Variants in DNAJC13 observed in about 807,000 individuals in gnomAD.
The protein encoded by DNAJC13 is dnaJ homolog subfamily C member 13.
Under a neutral mutation model 290.5 loss-of-function variants are expected in DNAJC13, and 75 were observed. That is an observed-to-expected ratio of 0.26 (90% confidence interval 0.21 to 0.31). The LOEUF is 0.31. Ranked by LOEUF, DNAJC13 falls within the 10% of genes least tolerant of loss-of-function variation. The probability of loss-of-function intolerance (pLI) is 1.00; values close to 1 mark genes in which losing one functional copy is unlikely to be tolerated. For synonymous variants in DNAJC13, 862 were observed against 892.0 expected, an observed-to-expected ratio of 0.97 and a Z score of 0.60; for missense variants, 2,260 against 2,674.5, an observed-to-expected ratio of 0.85 and a Z score of 3.42.
chr3:132,426,031 T>G (rs1035997137), intron 1 of DNAJC13, among the ~76,000 whole-genome samples: 1 of 152,208 alleles, frequency 6.6e-6, no homozygotes, highest in African/African-American at 2.4e-5. Context: ...ATTCTCATTT[T>G]AACCATAAAT....
chr3:132,452,212 C>T (rs528901810), intron 6 of DNAJC13, among the ~76,000 whole-genome samples: 4 of 152,338 alleles, frequency 2.6e-5, no homozygotes, highest in South Asian at 2.1e-4. Flanking sequence ...GTTTCATACT[C>T]TTCTTATTGC....
At chr3:132,441,760 C>T (rs1933076970) in intron 2 of DNAJC13, among the ~76,000 whole-genome samples, 1 of 152,054 alleles carries the variant, frequency 6.6e-6, no homozygotes, top group Non-Finnish European at 1.5e-5. Context: ...ATTTTACATG[C>T]CTGATTGATA....
At chr3:132,503,181 T>C in intron 40 of DNAJC13, 33 bp from the exon 41 acceptor site, 2 of 1,605,892 alleles carry the variant, frequency 1.2e-6, no homozygotes, top group African/African-American at 2.7e-5. Context: ...AGATAACAGA[T>C]CTACTTTAAC....
intron 1 of DNAJC13, among the ~76,000 whole-genome samples, chr3:132,432,182 TTTTG>T (rs1939257484): frequency 6.6e-6 from 1 of 152,088 alleles, no homozygotes; most frequent in African/African-American, 2.4e-5. Flanking sequence ...CTACAAATTT[TTTTG>T]TTTTTGTTTT....
At chr3:132,506,637 T>A (rs1309906006) in intron 42 of DNAJC13, among the ~76,000 whole-genome samples, 2 of 141,094 alleles carry the variant, frequency 1.4e-5, no homozygotes, top group East Asian at 2.3e-4. Flanking sequence ...CTGCAGCCTC[T>A]GCCTCCCAGG....
At chr3:132,453,980 T>C in intron 8 of DNAJC13, 86 bp from the exon 9 acceptor site, 1 of 1,045,504 alleles carries the variant, frequency 9.6e-7, no homozygotes. Context: ...TACTGACTTT[T>C]GTAAGCTAAG....
At chr3:132,442,243 C>T (rs1347110745) in intron 2 of DNAJC13, among the ~76,000 whole-genome samples, 5 of 151,908 alleles carry the variant, frequency 3.3e-5, no homozygotes, top group Non-Finnish European at 2.9e-5. Context: ...GTGATCCTCC[C>T]GCCTCGGCCT....
At chr3:132,520,426 G>T (rs886930687) in intron 48 of DNAJC13, among the ~76,000 whole-genome samples, 8 of 152,138 alleles carry the variant, frequency 5.3e-5, no homozygotes, top group African/African-American at 1.9e-4. Context: ...ATGTTTAATA[G>T]TATACACACC....
chr3:132,453,761 C>G, intron 8 of DNAJC13, 67 bp downstream of exon 8: 1 of 1,373,376 alleles, frequency 7.3e-7, no homozygotes, highest in Non-Finnish European at 1.0e-6. Flanking sequence ...AATTTTCTTT[C>G]TATTTTAATG....
At chr3:132,507,152 C>T in intron 42 of DNAJC13, 85 bp from the exon 43 acceptor site, 1 of 880,802 alleles carries the variant, frequency 1.1e-6, no homozygotes, top group Non-Finnish European at 1.8e-6. Flanking sequence ...ATGCATAGAT[C>T]TCTCAAGTTA....
chr3:132,486,705 A>G (rs1371581003), intron 29 of DNAJC13, among the ~76,000 whole-genome samples: 1 of 152,110 alleles, frequency 6.6e-6, no homozygotes, highest in Non-Finnish European at 1.5e-5. Context: ...TGGCTATAGT[A>G]GTTTCTGGGA....
In DNAJC13 at chr3:132,456,597, C is replaced by G; in HGVS notation, c.1179+17C>G. ...ACACAAGATGTAAGCTAAGTTTTAT[C>G]ATAATTGTTCATTGTTACTAACTTT... On this transcript the variant is annotated intron_variant, in intron 11 of 55. Coordinates refer to ENST00000260818, the MANE Select transcript of DNAJC13 (RefSeq NM_015268.4). 1 of 1,613,326 alleles carries G rather than the reference C, an allele frequency of 6.2e-7. No individual in the cohort carries two copies. The highest frequency in any genetic ancestry group is 8.5e-7 in the Non-Finnish European group (1 of 1,179,580).
chr3:132,499,954 G>C (rs908277654), intron 38 of DNAJC13, 146 bp downstream of exon 38: 1 of 690,006 alleles, frequency 1.4e-6, no homozygotes, highest in African/African-American at 1.8e-5. Context: ...GTGAGTCTGG[G>C]GTGGTGGCCT....
At position 132,418,181 on chromosome 3, in the gene DNAJC13, A is replaced by G. The variant is rs1012459978; in HGVS notation, c.-14+421A>G. Among the ~76,000 whole-genome samples the G allele has an allele frequency of 2.6e-5, 4 of 151,934 alleles. No homozygotes were observed. In the South Asian group the frequency reaches 6.2e-4, roughly 24 times the overall value. ...CTTGGGTCAGCGACCCTCCTTCCGA[A>G]CAAGTCCTGCAGACTGACTTTCTTT... On this transcript the variant is annotated intron_variant, in intron 1 of 55. Coordinates refer to ENST00000260818, the MANE Select transcript of DNAJC13 (RefSeq NM_015268.4).
intron 15 of DNAJC13, 67 bp from the exon 16 acceptor site, chr3:132,462,400 A>G: frequency 6.8e-7 from 1 of 1,466,310 alleles, no homozygotes; most frequent in East Asian, 2.3e-5. Flanking sequence ...TCTTAAGAGT[A>G]ACAGCTAAAT....
chr3:132,497,278 G>A (rs1935262843), intron 36 of DNAJC13, among the ~76,000 whole-genome samples: 1 of 152,196 alleles, frequency 6.6e-6, no homozygotes, highest in Non-Finnish European at 1.5e-5. Context: ...GTAGCAGTCA[G>A]AAAGCCAGGA....
intron 48 of DNAJC13, among the ~76,000 whole-genome samples, chr3:132,518,742 A>G (rs1262967846): frequency 1.3e-5 from 2 of 152,138 alleles, no homozygotes; most frequent in African/African-American, 2.4e-5. Flanking sequence ...CTAGTGTACA[A>G]TTCAGTGGTT....
At chr3:132,465,488 T>C (rs60475380) in intron 17 of DNAJC13, among the ~76,000 whole-genome samples, 7,889 of 152,144 alleles carry the variant, frequency 0.052, 410 homozygotes, top group African/African-American at 0.14. Flanking sequence ...GTGAGATGAG[T>C]TGAATAATTT....
Position 132,523,626 on chromosome 3 carries a change from AC to A in DNAJC13, c.5975del (p.Pro1992GlnfsTer5). The A allele has an allele frequency of 6.2e-7, 1 of 1,614,096 alleles. No homozygotes were observed. Among genetic ancestry groups the A allele is most frequent in the Non-Finnish European group, 8.5e-7 (1 of 1,179,978 alleles). ...TCTTCTTGAGGATCTTTATTGCACAACCAGCCTGGGTTCTAAGAAAGCCTAG... is the reference window on the plus strand; with the variant it reads ...TCTTCTTGAGGATCTTTATTGCACAACAGCCTGGGTTCTAAGAAAGCCTAG... Reference protein sequence around the residue: ...GVFLRIFIAQPAWVLRKPREF... With the variant: ...GVFLRIFIAQXAWVLRKPREF... On this transcript the variant is annotated frameshift_variant, in exon 51 of 56. Transcript: ENST00000260818. LOFTEE classifies it high-confidence loss of function.
Sources: allele counts gnomAD v4.1 joint callset (sites outside exome capture counted in the v4.1 genomes callset), GRCh38; gene constraint gnomAD v4.1.1; transcripts MANE v1.5; gene names NCBI Gene and HGNC (gene_info 2026-07-23, HGNC 2026-07-21).